C5: variants seen among roughly 807,000 people sequenced by gnomAD.
The protein encoded by C5 is C3 and PZP-like alpha-2-macroglobulin domain-containing protein 4.
C5 carries 140 observed loss-of-function variants against 218.8 expected under a neutral mutation model. That is an observed-to-expected ratio of 0.64 (90% CI 0.56 to 0.74). The LOEUF is 0.74. Ranked by LOEUF, C5 falls within the 30% of genes least tolerant of loss-of-function variation. The pLI is 0.00. For missense variants in C5, 1,700 were observed against 1,969.6 expected, an observed-to-expected ratio of 0.86 and a Z score of 2.59; for synonymous variants, 614 against 682.3, an observed-to-expected ratio of 0.90 and a Z score of 1.56.
At chr9:121,044,848 C>T (rs961818738) in intron 2 of C5, among the ~76,000 whole-genome samples, 3 of 151,896 alleles carry the variant, frequency 2.0e-5, no homozygotes, top group Admixed American at 2.0e-4. Flanking sequence ...TGAGATACTG[C>T]ATTTTTAATT....
Position 121,006,068 on chromosome 9 carries a change from A to T in C5, c.2423-10T>A. On this transcript the variant is annotated splice_polypyrimidine_tract_variant and intron_variant, in intron 19 of 40. Transcript: ENST00000223642. ...TCAGCAACACATATACCTTCAGCCC[A>T]AAGTGGAAGCAAAGTAGAATCATAT... 1.9e-6 allele frequency: 3 copies of T among 1,613,454 alleles called. No homozygotes were observed. The highest frequency in any genetic ancestry group is 2.5e-6 in the Non-Finnish European group (3 of 1,179,518).
At position 121,010,039 on chromosome 9, in the gene C5, G is replaced by C. The variant is rs576548050; in HGVS notation, c.2258-1541C>G. On this transcript the variant is annotated intron_variant, in intron 17 of 40. Coordinates refer to ENST00000223642, the MANE Select transcript of C5 (RefSeq NM_001735.3). ...CAGCAAGCCTCCCCACCATGGGCTG[G>C]AGTGCTCTAGGGCCCTAGGTTAACT... is the stretch of plus-strand genomic sequence containing the variant. Among the ~76,000 whole-genome samples, 4 of 152,348 alleles carry C rather than the reference G, an allele frequency of 2.6e-5. No homozygotes were observed. The South Asian group carries it at 8.3e-4, about 32-fold the overall frequency.
chr9:121,035,421 G>A (rs188579803), intron 4 of C5, among the ~76,000 whole-genome samples: 15 of 152,254 alleles, frequency 9.9e-5, no homozygotes, highest in East Asian at 5.8e-4. Flanking sequence ...GACAGTTCTC[G>A]TAAAGCTTCC....
chr9:121,017,756 C>A lies in C5; in HGVS notation c.1603G>T (p.Val535Phe), dbSNP rs1442230899. ...SINIPVTQNM[V>F]PSSRLLVYYI... Reference sequence around the variant, plus strand: ...TAGACCAGAAGTCGGGATGAAGGAACCATGTTCTGTGTTACTGGAATGTTT... The same window carrying A: ...TAGACCAGAAGTCGGGATGAAGGAAACATGTTCTGTGTTACTGGAATGTTT... The change falls in exon 13 of 41, where the codon GTT becomes TTT. Residue 535 changes from valine to phenylalanine, a missense_variant. Val to Phe is a conservative substitution (Grantham distance 50). Coordinates refer to ENST00000223642, the MANE Select transcript of C5 (RefSeq NM_001735.3). 2 of 1,612,858 alleles carry A rather than the reference C, an allele frequency of 1.2e-6. No homozygotes were observed. Among genetic ancestry groups the A allele is most frequent in the Non-Finnish European group, 1.7e-6 (2 of 1,178,964 alleles).
At chr9:120,977,466 T>C (rs949064695) in intron 28 of C5, among the ~76,000 whole-genome samples, 2 of 152,176 alleles carry the variant, frequency 1.3e-5, no homozygotes, top group African/African-American at 2.4e-5. Flanking sequence ...TTTTTTTGTT[T>C]GTGTGTTTTG....
chr9:121,017,707 G>A lies in C5; in HGVS notation c.1652C>T (p.Thr551Ile), dbSNP rs189496803. The A allele has an allele frequency of 6.2e-6, 10 of 1,613,606 alleles. No individual in the cohort carries two copies. The African/African-American group carries it at 1.2e-4, about 19-fold the overall frequency. ...GACTGAATCAGACACTAATTCTGCT[G>A]TCTGTTCTCCTGTGACGATGTAATA... ...LVYYIVTGEQTAELVSDSVWL... is the reference protein window; with the variant it reads ...LVYYIVTGEQIAELVSDSVWL... The change falls in exon 13 of 41, where the codon ACA (threonine) becomes ATA (isoleucine). Residue 551 changes from threonine (T) to isoleucine (I), a missense_variant. Thr to Ile is a moderately conservative substitution (Grantham distance 89, BLOSUM62 -1). Transcript: ENST00000223642.
rs556314106 is a variant in C5, at chr9:120,955,455, A to G, written c.4763-1587T>C. Among the ~76,000 whole-genome samples the G allele has an allele frequency of 2.5e-4, 38 of 152,320 alleles. No individual in the cohort carries two copies. The South Asian group carries it at 7.7e-3, about 31-fold the overall frequency. ...GTATCAAATAAAACAAATAATTTGT[A>G]TTTCTGGAATGAAAAGCACTTTGTT... is the stretch of plus-strand genomic sequence containing the variant. On this transcript the variant is annotated intron_variant, in intron 39 of 40. Coordinates refer to ENST00000223642, the MANE Select transcript of C5 (RefSeq NM_001735.3).
At chr9:120,961,630 G>A in intron 36 of C5, 65 bp from the exon 37 acceptor site, 2 of 1,019,716 alleles carry the variant, frequency 2.0e-6, no homozygotes, top group Admixed American at 3.4e-5. Context: ...TTACTAATTG[G>A]CAAGTGTCTT....
chr9:120,986,106 T>C (rs2047030904), intron 25 of C5, among the ~76,000 whole-genome samples: 1 of 152,168 alleles, frequency 6.6e-6, no homozygotes, highest in African/African-American at 2.4e-5. Context: ...TGCCATCTCC[T>C]TGGGTTGCTG....
chr9:121,048,708 A>G (rs912015070), intron 1 of C5, among the ~76,000 whole-genome samples: 1 of 151,836 alleles, frequency 6.6e-6, no homozygotes, highest in African/African-American at 2.4e-5. Flanking sequence ...AGCATAATCT[A>G]TCCATATAAA....
the C5 span, among the ~76,000 whole-genome samples, chr9:121,065,303 C>G: frequency 6.6e-6 from 1 of 152,040 alleles, no homozygotes; most frequent in South Asian, 2.1e-4. Flanking sequence ...ATCCATGGAT[C>G]TACAGCCAAT....
In C5 at chr9:121,034,836, G is replaced by T. The variant is rs1254646813; in HGVS notation, c.551C>A (p.Ser184Tyr). ...AGACGGAATCTTGAAGTCAGGAAAA[G>T]AGATAATTCCAATATGATCAATTTC... Reference protein sequence around the residue: ...VEEIDHIGIISFPDFKIPSNP... With the variant: ...VEEIDHIGIIYFPDFKIPSNP... The change falls in exon 5 of 41, where the codon TCT becomes TAT. Residue 184 changes from serine (S) to tyrosine (Y), a missense_variant. Physicochemically the swap from Ser to Tyr is moderately radical, Grantham distance 144 (BLOSUM62 -2). Coordinates refer to ENST00000223642, the MANE Select transcript of C5 (RefSeq NM_001735.3). The T allele has an allele frequency of 1.3e-6, 2 of 1,589,586 alleles. No homozygotes were observed. Among genetic ancestry groups the T allele is most frequent in the Non-Finnish European group, 1.7e-6 (2 of 1,158,648 alleles).
At chr9:120,958,199 T>C (rs967114093) in intron 38 of C5, among the ~76,000 whole-genome samples, 1 of 152,208 alleles carries the variant, frequency 6.6e-6, no homozygotes, top group African/African-American at 2.4e-5. Context: ...AATTAGTGGC[T>C]TAAAATGCAT....
chr9:121,029,250 C>A (rs573176517), intron 7 of C5, among the ~76,000 whole-genome samples: 39 of 152,294 alleles, frequency 2.6e-4, no homozygotes, highest in Non-Finnish European at 5.1e-4. Context: ...CTCAAGTGAG[C>A]CTTTTATGCT....
intron 26 of C5, 125 bp downstream of exon 26, chr9:120,982,530 T>C: frequency 1.3e-6 from 1 of 781,082 alleles, no homozygotes; most frequent in Non-Finnish European, 2.1e-6. Flanking sequence ...ATTTTGCTTG[T>C]TCACAAAGGA....
chr9:120,979,488 A>G (rs2046976106), intron 28 of C5: 1 of 152,418 alleles, frequency 6.6e-6, no homozygotes, highest in Non-Finnish European at 1.5e-5. Flanking sequence ...GATTTTGGGG[A>G]GCCTGTTTTG....
Position 120,989,029 on chromosome 9 carries a change from C to G in C5, c.3230+17G>C, listed in dbSNP as rs374404058. ...TTAACCACTATATGAAAATGCAACT[C>G]AAAATCTTCTACTTACCAAGTGCTA... On this transcript the variant is annotated intron_variant, in intron 25 of 40. Transcript: ENST00000223642. 9.8e-5 allele frequency: 156 copies of G among 1,588,278 alleles called. No individual in the cohort carries two copies. In the African/African-American group the frequency reaches 2.0e-3, roughly 20 times the overall value.
intron 1 of C5, 123 bp from the exon 2 acceptor site, chr9:121,046,506 G>T (rs2047629194): frequency 1.4e-6 from 1 of 696,722 alleles, no homozygotes; most frequent in Non-Finnish European, 2.5e-6. Flanking sequence ...ACTTAAAAAT[G>T]ATACTAATAA....
chr9:120,996,341 T>A, intron 21 of C5, 41 bp from the exon 22 acceptor site: 1 of 1,539,306 alleles, frequency 6.5e-7, no homozygotes. Flanking sequence ...AAACATAAGT[T>A]TATATAACCT....
Sources: allele counts gnomAD v4.1 joint callset (sites outside exome capture counted in the v4.1 genomes callset), GRCh38; gene constraint gnomAD v4.1.1; transcripts MANE v1.5; gene names NCBI Gene and HGNC (gene_info 2026-07-23, HGNC 2026-07-21).